CDH13: variants seen among roughly 807,000 people sequenced by gnomAD.
The protein encoded by CDH13 is cadherin-13.
A neutral mutation model predicts 63.8 loss-of-function variants in CDH13; 24 were observed. The ratio of observed to expected loss-of-function variants is 0.38; its 90% confidence interval spans 0.27 to 0.53. CDH13 has a LOEUF of 0.53. CDH13 is among the 20% of genes least tolerant of loss of function. The probability of loss-of-function intolerance (pLI) is 0.85; values close to 1 mark genes in which losing one functional copy is unlikely to be tolerated. For missense variants in CDH13, 1,049 were observed against 903.1 expected (o/e 1.16, Z -2.07); for synonymous variants, 503 against 355.3 (o/e 1.42, Z -4.67).
intron 8 of CDH13, among the ~76,000 whole-genome samples, chr16:83,648,213 CAT>C (rs948550155): frequency 2.6e-5 from 4 of 152,126 alleles, no homozygotes; most frequent in Non-Finnish European, 4.4e-5. Flanking sequence ...GTAAATTACA[CAT>C]GTCTGGCCGT....
chr16:82,833,977 CT>C (rs1379138921), intron 1 of CDH13, among the ~76,000 whole-genome samples: 3 of 152,204 alleles, frequency 2.0e-5, no homozygotes, highest in African/African-American at 7.2e-5. Context: ...GGGGAATTGT[CT>C]CTGAACCCAA....
chr16:82,956,996 T>C (rs968021043), intron 2 of CDH13, among the ~76,000 whole-genome samples: 9 of 152,304 alleles, frequency 5.9e-5, no homozygotes, highest in Middle Eastern at 3.4e-3. Context: ...GACATAAATC[T>C]ATCTGAGAGA....
chr16:82,927,790 A>T (rs539997337), intron 2 of CDH13, among the ~76,000 whole-genome samples: 1 of 152,230 alleles, frequency 6.6e-6, no homozygotes, highest in Non-Finnish European at 1.5e-5. Flanking sequence ...CACCCTGCCT[A>T]ACACACAGCC....
chr16:83,546,277 C>T (rs1202026168), intron 7 of CDH13, among the ~76,000 whole-genome samples: 1 of 152,118 alleles, frequency 6.6e-6, no homozygotes. Context: ...GCACTCTTGG[C>T]ATCCCCAGAC....
chr16:83,490,009 CCACACACACA>C lies in CDH13; in HGVS notation c.960+3385_960+3394del, dbSNP rs10666213. Reference sequence around the variant, plus strand: ...CCTTCAAGAGCAGGAGCTGCAGAAACCACACACACACACACACACACACACACACACACAC... The same window carrying C: ...CCTTCAAGAGCAGGAGCTGCAGAAACCACACACACACACACACACACACAC... On this transcript the variant is annotated intron_variant, in intron 7 of 13. Coordinates refer to ENST00000567109, the MANE Select transcript of CDH13 (RefSeq NM_001257.5). 3.0e-3 allele frequency among the ~76,000 whole-genome samples: 409 copies of C among 137,378 alleles called. 5 individuals are homozygous for C. The highest frequency in any genetic ancestry group is 0.011 in the African/African-American group (383 of 36,142). 90.1% of individuals were successfully genotyped at this position (137,378 alleles called of 152,430 possible). A position where few individuals can be genotyped will look rare whatever the true frequency, so the allele number is the denominator to read the frequency against.
At chr16:83,173,494 A>G (rs2038006271) in intron 4 of CDH13, among the ~76,000 whole-genome samples, 1 of 151,996 alleles carries the variant, frequency 6.6e-6, no homozygotes, top group Admixed American at 6.6e-5. Context: ...TGTTTCTTGA[A>G]TAGACTTGCC....
intron 10 of CDH13, among the ~76,000 whole-genome samples, chr16:83,744,177 C>T (rs750907463): frequency 6.6e-6 from 1 of 152,188 alleles, no homozygotes; most frequent in Non-Finnish European, 1.5e-5. Context: ...CCTATCCTGA[C>T]ACCAAGGAGC....
chr16:83,752,353 A>G (rs906866975), intron 11 of CDH13, among the ~76,000 whole-genome samples: 1 of 152,242 alleles, frequency 6.6e-6, no homozygotes, highest in African/African-American at 2.4e-5. Flanking sequence ...GTGTGCGTAT[A>G]TACCGTGTCC....
intron 5 of CDH13, among the ~76,000 whole-genome samples, chr16:83,329,301 C>G (rs972407446): frequency 6.6e-6 from 1 of 152,218 alleles, no homozygotes; most frequent in African/African-American, 2.4e-5. Context: ...TCTCAGCTCA[C>G]TGCAACCTCT....
chr16:83,264,999 T>C (rs186753772), intron 5 of CDH13, among the ~76,000 whole-genome samples: 12 of 152,354 alleles, frequency 7.9e-5, no homozygotes, highest in Admixed American at 7.8e-4. Flanking sequence ...CATTTTGTTT[T>C]TCCAGGTGTT....
chr16:83,745,823 C>T (rs1484523545), intron 10 of CDH13, among the ~76,000 whole-genome samples: 7 of 152,140 alleles, frequency 4.6e-5, no homozygotes, highest in African/African-American at 1.2e-4. Flanking sequence ...CACCACACTT[C>T]GATTCAACTT....
In CDH13 at chr16:83,077,342, C is replaced by A. The variant is rs867941609; in HGVS notation, c.366+45124C>A. 3.2e-4 allele frequency among the ~76,000 whole-genome samples: 49 copies of A among 151,542 alleles called. No individual in the cohort carries two copies. The Middle Eastern group carries it at 0.01, about 32-fold the overall frequency. On this transcript the variant is annotated intron_variant, in intron 3 of 13. Transcript: ENST00000567109. Reference sequence around the variant, plus strand: ...GAGTAGTTGGAATTACAGGTGCACACCACCATGCCTGGCTAATTTATTGTA... The same window carrying A: ...GAGTAGTTGGAATTACAGGTGCACAACACCATGCCTGGCTAATTTATTGTA...
chr16:83,512,362 AAATAAAT>A (rs1364441889), intron 7 of CDH13, among the ~76,000 whole-genome samples: 39 of 139,190 alleles, frequency 2.8e-4, no homozygotes, highest in Non-Finnish European at 4.2e-4. Context: ...ATAAATAAAT[AAATAAAT>A]AAAATAAAAA....
chr16:83,048,479 T>C (rs776151218), intron 3 of CDH13, among the ~76,000 whole-genome samples: 7 of 152,204 alleles, frequency 4.6e-5, no homozygotes, highest in African/African-American at 1.4e-4. Flanking sequence ...CATCTTTAAT[T>C]TATTGCTCTT....
At chr16:83,073,398 T>C (rs1452122928) in intron 3 of CDH13, among the ~76,000 whole-genome samples, 1 of 147,226 alleles carries the variant, frequency 6.8e-6, no homozygotes, top group African/African-American at 2.5e-5. Flanking sequence ...TACCACACCA[T>C]ACTACCTCCA....
intron 5 of CDH13, among the ~76,000 whole-genome samples, chr16:83,270,264 A>C (rs1195284508): frequency 6.6e-6 from 1 of 152,174 alleles, no homozygotes; most frequent in African/African-American, 2.4e-5. Context: ...TGGCCCTGTC[A>C]TGCTGTGTTT....
chr16:83,246,410 C>T (rs915648250), intron 5 of CDH13, among the ~76,000 whole-genome samples: 4 of 152,148 alleles, frequency 2.6e-5, no homozygotes, highest in Non-Finnish European at 4.4e-5. Context: ...ATCTTCACCT[C>T]ATCAGAAGCC....
At chr16:83,036,522 C>G (rs948267048) in intron 3 of CDH13, among the ~76,000 whole-genome samples, 1 of 152,160 alleles carries the variant, frequency 6.6e-6, no homozygotes, top group African/African-American at 2.4e-5. Flanking sequence ...ACAATGTTCA[C>G]TCCCACAAAT....
intron 6 of CDH13, among the ~76,000 whole-genome samples, chr16:83,483,825 A>G (rs1598125415): frequency 6.6e-6 from 1 of 152,190 alleles, no homozygotes; most frequent in Non-Finnish European, 1.5e-5. Context: ...CACATTTCAC[A>G]TCAGTTTCCA....
Sources: allele counts gnomAD v4.1 joint callset (sites outside exome capture counted in the v4.1 genomes callset), GRCh38; gene constraint gnomAD v4.1.1; transcripts MANE v1.5; gene names NCBI Gene and HGNC (gene_info 2026-07-23, HGNC 2026-07-21).